DIAPH3: variants seen among roughly 807,000 people sequenced by gnomAD.
DIAPH3 encodes the protein protein diaphanous homolog 3.
DIAPH3 carries 117 observed loss-of-function variants against 144.3 expected under a neutral mutation model. The ratio of observed to expected loss-of-function variants is 0.81; its 90% CI spans 0.70 to 0.95. DIAPH3 has a LOEUF of 0.95. Among genes scored for constraint, DIAPH3 ranks in the 40% least tolerant of loss-of-function variants. The pLI, the probability that DIAPH3 is intolerant of heterozygous loss-of-function variation, is 0.00. For synonymous variants in DIAPH3, 519 were observed against 488.9 expected, an observed-to-expected ratio of 1.06 and a Z score of -0.81; for missense variants, 1,421 against 1,412.7, an observed-to-expected ratio of 1.01 and a Z score of -0.09.
Position 60,016,021 on chromosome 13 carries a change from T to C in DIAPH3, c.702-39A>G, listed in dbSNP as rs768047530. 15 of 1,610,584 alleles carry C rather than the reference T, an allele frequency of 9.3e-6. No individual in the cohort carries two copies. The East Asian group carries it at 1.1e-4, about 12-fold the overall frequency. ...AAAAATAGCAGTGTTGGAATTATAA[T>C]TGGACATATGAATGATGCTTACTTG... On this transcript the variant is annotated intron_variant, in intron 6 of 27. Coordinates refer to ENST00000400324, the MANE Select transcript of DIAPH3 (RefSeq NM_001042517.2).
chr13:59,878,045 G>C (rs182255530), intron 21 of DIAPH3, among the ~76,000 whole-genome samples: 1 of 152,020 alleles, frequency 6.6e-6, no homozygotes, highest in African/African-American at 2.4e-5. Flanking sequence ...CATAATTAAT[G>C]GTTTACATGT....
Position 59,780,563 on chromosome 13 carries a change from C to T in DIAPH3, c.3164-5740G>A, listed in dbSNP as rs188020853. On this transcript the variant is annotated intron_variant, in intron 25 of 27. Coordinates refer to ENST00000400324, the MANE Select transcript of DIAPH3 (RefSeq NM_001042517.2). ...GACTAACTGCAAAAGTCAAAGATTT[C>T]CTATATGTGAAAAACATATCATCTT... Among the ~76,000 whole-genome samples, 809 of 152,140 alleles carry T rather than the reference C, an allele frequency of 5.3e-3. 4 individuals carry two copies. Among genetic ancestry groups the T allele is most frequent in the Non-Finnish European group, 8.8e-3 (600 of 68,000 alleles).
In DIAPH3 at chr13:59,762,052, C is replaced by CGT; in HGVS notation, c.3319+12136_3319+12137insAC. On this transcript the variant is annotated intron_variant, in intron 27 of 27. Coordinates refer to ENST00000400324, the MANE Select transcript of DIAPH3 (RefSeq NM_001042517.2). ...GCACCCAAGATGAAAGCGTCAGCATCTTTTTTTTTTTTTTTTTTTTTTTTT... is the reference window on the plus strand; with the variant it reads ...GCACCCAAGATGAAAGCGTCAGCATCGTTTTTTTTTTTTTTTTTTTTTTTTTT... 5.0e-5 allele frequency among the ~76,000 whole-genome samples: 3 copies of CGT among 59,520 alleles called. No individual in the cohort carries two copies. The South Asian group carries it at 2.9e-3, about 57-fold the overall frequency. 39.0% of individuals were successfully genotyped at this position (59,520 alleles called of 152,430 possible).
At chr13:59,868,874 T>C (rs77867596) in intron 21 of DIAPH3, among the ~76,000 whole-genome samples, 1,713 of 152,308 alleles carry the variant, frequency 0.011, 38 homozygotes, top group African/African-American at 0.038. Flanking sequence ...TTTAATGTTC[T>C]TCCATGTCTT....
intron 27 of DIAPH3, among the ~76,000 whole-genome samples, chr13:59,668,577 T>C (rs1310820262): frequency 1.3e-5 from 2 of 152,176 alleles, no homozygotes; most frequent in African/African-American, 2.4e-5. Context: ...GTTTTAAATA[T>C]TGCTATAGCT....
At chr13:59,939,162 C>T (rs144697524) in intron 17 of DIAPH3, among the ~76,000 whole-genome samples, 83 of 152,198 alleles carry the variant, frequency 5.5e-4, no homozygotes, top group African/African-American at 1.3e-3. Flanking sequence ...AAAATGTATA[C>T]GTTCTTTCCC....
At chr13:59,881,195 T>A (rs897119643) in intron 20 of DIAPH3, among the ~76,000 whole-genome samples, 3 of 152,016 alleles carry the variant, frequency 2.0e-5, no homozygotes, top group Admixed American at 6.6e-5. Context: ...ACCTGGATTT[T>A]TTTTATCCTT....
intron 4 of DIAPH3, among the ~76,000 whole-genome samples, chr13:60,045,402 C>CGCGA (rs779788134): frequency 6.6e-6 from 1 of 151,918 alleles, no homozygotes; most frequent in Non-Finnish European, 1.5e-5. Flanking sequence ...TTATTAGCAG[C>CGCGA]GCGAGAAAAA....
intron 4 of DIAPH3, among the ~76,000 whole-genome samples, chr13:60,049,743 G>A (rs752638661): frequency 7.9e-5 from 12 of 152,178 alleles, no homozygotes; most frequent in African/African-American, 1.9e-4. Flanking sequence ...CAGGAGTGAC[G>A]TAAAAGTCAA....
At chr13:60,063,436 C>A (rs769770473) in intron 4 of DIAPH3, among the ~76,000 whole-genome samples, 1 of 152,144 alleles carries the variant, frequency 6.6e-6, no homozygotes, top group Non-Finnish European at 1.5e-5. Flanking sequence ...CATAGATAGA[C>A]CTCCCCCCAT....
intron 25 of DIAPH3, among the ~76,000 whole-genome samples, chr13:59,781,538 T>G (rs2038736182): frequency 6.6e-6 from 1 of 152,170 alleles, no homozygotes; most frequent in Non-Finnish European, 1.5e-5. Context: ...GCAGCCAGTT[T>G]AGATCACATG....
At chr13:60,061,625 A>AC (rs1398413427) in intron 4 of DIAPH3, among the ~76,000 whole-genome samples, 6 of 139,194 alleles carry the variant, frequency 4.3e-5, no homozygotes, top group Non-Finnish European at 7.8e-5. Flanking sequence ...CACACCTCCC[A>AC]CCCCCACATG....
intron 17 of DIAPH3, 88 bp from the exon 18 acceptor site, chr13:59,924,958 C>T: frequency 1.3e-6 from 2 of 1,500,402 alleles, no homozygotes; most frequent in South Asian, 1.2e-5. Flanking sequence ...ATTAAATAAG[C>T]TAAAAAGGAT....
At chr13:60,080,928 T>A (rs1016701030) in intron 4 of DIAPH3, among the ~76,000 whole-genome samples, 2 of 152,014 alleles carry the variant, frequency 1.3e-5, no homozygotes, top group African/African-American at 4.8e-5. Flanking sequence ...TCAATTTACA[T>A]GGAGTACATC....
intron 20 of DIAPH3, among the ~76,000 whole-genome samples, chr13:59,886,473 G>T (rs774775702): frequency 4.6e-5 from 7 of 151,992 alleles, no homozygotes; most frequent in Non-Finnish European, 7.4e-5. Context: ...ATGAATTTTA[G>T]AAATCATTTG....
intron 27 of DIAPH3, among the ~76,000 whole-genome samples, chr13:59,750,825 T>A (rs1467445931): frequency 1.3e-5 from 2 of 152,230 alleles, no homozygotes; most frequent in Non-Finnish European, 2.9e-5. Flanking sequence ...TGCTACGATA[T>A]GCCTAGCACC....
chr13:59,861,042 G>C (rs1488315266), intron 22 of DIAPH3, among the ~76,000 whole-genome samples: 1 of 152,104 alleles, frequency 6.6e-6, no homozygotes. Flanking sequence ...TGCTGGTTCT[G>C]GTATCAGGTA....
chr13:59,845,033 A>T, intron 22 of DIAPH3, among the ~76,000 whole-genome samples: 2 of 121,990 alleles, frequency 1.6e-5, no homozygotes, highest in African/African-American at 3.1e-5. Flanking sequence ...TTGAGACACC[A>T]TTTTTTTCCT....
intron 20 of DIAPH3, among the ~76,000 whole-genome samples, chr13:59,901,097 T>C (rs1204833688): frequency 6.6e-6 from 1 of 152,238 alleles, no homozygotes; most frequent in Non-Finnish European, 1.5e-5. Context: ...AACCAGTCAC[T>C]GGCTTTAATT....
Sources: allele counts gnomAD v4.1 joint callset (sites outside exome capture counted in the v4.1 genomes callset), GRCh38; gene constraint gnomAD v4.1.1; transcripts MANE v1.5; gene names NCBI Gene and HGNC (gene_info 2026-07-23, HGNC 2026-07-21).